FSD1L: variants seen among roughly 807,000 people sequenced by gnomAD.
The protein encoded by FSD1L is fibronectin type III and SPRY domain containing 1 like, also known as FSD1-like protein.
Under a neutral mutation model 71.6 loss-of-function variants are expected in FSD1L, and 45 were observed. The observed-to-expected ratio is 0.63, with a 90% CI of 0.49 to 0.81. FSD1L has a LOEUF of 0.81. FSD1L is among the 30% of genes least tolerant of loss of function. The probability of loss-of-function intolerance (pLI) is 0.00; values close to 1 mark genes in which losing one functional copy is unlikely to be tolerated. For synonymous variants in FSD1L, 197 were observed against 207.2 expected (o/e 0.95, Z 0.42); for missense variants, 561 against 618.1 (o/e 0.91, Z 0.98).
chr9:105,529,465 C>A (rs760331501), intron 10 of FSD1L, among the ~76,000 whole-genome samples: 4 of 152,120 alleles, frequency 2.6e-5, no homozygotes, highest in Admixed American at 6.5e-5. Flanking sequence ...GAGTTCATGT[C>A]CTTTGCAGGG....
chr9:105,495,036 G>C (rs1833259878), intron 7 of FSD1L, among the ~76,000 whole-genome samples: 2 of 152,108 alleles, frequency 1.3e-5, no homozygotes, highest in Admixed American at 6.5e-5. Context: ...CTTCAAAGCT[G>C]TCAGGGACAT....
At chr9:105,521,031 A>T in intron 10 of FSD1L, 1 of 1,612,420 alleles carries the variant, frequency 6.2e-7, no homozygotes, top group Non-Finnish European at 8.5e-7. Flanking sequence ...CTGTAAGGAA[A>T]ACAGTTTATA....
chr9:105,452,628 C>CGCCT (rs530990124), intron 1 of FSD1L, among the ~76,000 whole-genome samples: 6,799 of 124,006 alleles, frequency 0.055, 511 homozygotes, highest in East Asian at 0.26. Context: ...GGCGCTCGCT[C>CGCCT]GCCTGCCTGC....
intron 7 of FSD1L, among the ~76,000 whole-genome samples, chr9:105,502,174 C>T (rs1021591544): frequency 2.0e-5 from 3 of 152,050 alleles, no homozygotes; most frequent in African/African-American, 7.2e-5. Flanking sequence ...TCTAGCTGTG[C>T]AATCTTGAGC....
In FSD1L at chr9:105,545,320, T is replaced by C. The variant is rs7047078; in HGVS notation, c.1468-1038T>C. ...GTTGCTTATCAGCTTAAGGAGATTT[T>C]GGGCTGAGACAATGGGGTTTTCTAG... On this transcript the variant is annotated intron_variant, in intron 13 of 13. Transcript: ENST00000481272. Among the ~76,000 whole-genome samples, 396 of 135,408 alleles carry C rather than the reference T, an allele frequency of 2.9e-3. 15 individuals carry two copies. Among genetic ancestry groups the C allele is most frequent in the Middle Eastern group, 7.6e-3 (2 of 262 alleles). 88.8% of individuals were successfully genotyped at this position (135,408 alleles called of 152,430 possible). A position where few individuals can be genotyped will look rare whatever the true frequency, so the allele number is the denominator to read the frequency against.
At chr9:105,479,932 G>A (rs1175356432) in intron 6 of FSD1L, among the ~76,000 whole-genome samples, 2 of 152,108 alleles carry the variant, frequency 1.3e-5, no homozygotes, top group Non-Finnish European at 2.9e-5. Context: ...AATTATTAAA[G>A]GTTTTGGTTT....
At chr9:105,498,889 A>G (rs978527531) in intron 7 of FSD1L, among the ~76,000 whole-genome samples, 3 of 152,166 alleles carry the variant, frequency 2.0e-5, no homozygotes, top group Admixed American at 2.0e-4. Flanking sequence ...AAGTGCAAAG[A>G]TTACAGGCAT....
At position 105,485,514 on chromosome 9, in the gene FSD1L, A is replaced by AACAACC. The variant is rs1169993489; in HGVS notation, c.586+1013_586+1018dup. Among the ~76,000 whole-genome samples the AACAACC allele has an allele frequency of 5.3e-5, 8 of 149,692 alleles. No individual in the cohort carries two copies. The East Asian group carries it at 1.6e-3, about 29-fold the overall frequency. ...TGGGGACAAGTCAGGAATATGACTT[A>AACAACC]ACAACCTTTTGGTTAGGTGTTTTTT... On this transcript the variant is annotated intron_variant, in intron 7 of 13. Coordinates refer to ENST00000481272, the MANE Select transcript of FSD1L (RefSeq NM_001145313.3).
intron 10 of FSD1L, chr9:105,522,762 G>T: frequency 6.2e-7 from 1 of 1,608,920 alleles, no homozygotes; most frequent in Non-Finnish European, 8.5e-7. Flanking sequence ...TAATGTTCCT[G>T]ATCTGATGGA....
chr9:105,516,905 T>C (rs1834761455), intron 10 of FSD1L, among the ~76,000 whole-genome samples: 1 of 152,144 alleles, frequency 6.6e-6, no homozygotes, highest in African/African-American at 2.4e-5. Context: ...TCTAACCTAA[T>C]GCAAGGAAGC....
intron 6 of FSD1L, among the ~76,000 whole-genome samples, 188 bp downstream of exon 6, chr9:105,479,564 G>C (rs1051613034): frequency 5.3e-5 from 8 of 152,128 alleles, no homozygotes; most frequent in African/African-American, 1.9e-4. Flanking sequence ...TAAAAGCATA[G>C]TTGTGGATAA....
At chr9:105,442,457 T>C in the FSD1L span, among the ~76,000 whole-genome samples, 12 of 151,962 alleles carry the variant, frequency 7.9e-5, no homozygotes, top group Admixed American at 1.3e-4. Context: ...GGTGGGCAGA[T>C]TGCTTGAGCT....
At chr9:105,489,813 C>T (rs1255956530) in intron 7 of FSD1L, among the ~76,000 whole-genome samples, 7 of 152,106 alleles carry the variant, frequency 4.6e-5, no homozygotes, top group East Asian at 1.9e-4. Flanking sequence ...GTTTCATCCA[C>T]GTCCCTACAA....
chr9:105,550,981 G>T lies in FSD1L; in HGVS notation c.*4498G>T, dbSNP rs1206573959. ...GAGCAGAAGGCACGTGAATGTGTTT[G>T]CTTTGGCTTGGAGCTTATTAAGTTT... On this transcript the variant is annotated 3_prime_UTR_variant, in exon 14 of 14. Coordinates refer to ENST00000481272, the MANE Select transcript of FSD1L (RefSeq NM_001145313.3). 2 of 152,060 alleles carry T rather than the reference G, an allele frequency of 1.3e-5. No individual in the cohort carries two copies. The highest frequency in any genetic ancestry group is 2.9e-5 in the Non-Finnish European group (2 of 67,958). 9.4% of individuals were successfully genotyped at this position (152,060 alleles called of 1,614,324 possible). A position where few individuals can be genotyped will look rare whatever the true frequency, so the allele number is the denominator to read the frequency against.
intron 1 of FSD1L, among the ~76,000 whole-genome samples, chr9:105,458,565 A>G (rs183402606): frequency 6.6e-6 from 1 of 152,250 alleles, no homozygotes; most frequent in Non-Finnish European, 1.5e-5. Flanking sequence ...TATGGGCTCA[A>G]AGTGGGGAAG....
intron 2 of FSD1L, among the ~76,000 whole-genome samples, chr9:105,462,988 A>G (rs574593072): frequency 2.0e-5 from 3 of 151,290 alleles, no homozygotes; most frequent in East Asian, 4.0e-4. Flanking sequence ...AAATGCAAAA[A>G]TTAGCTGGGC....
chr9:105,450,072 C>T (rs1829895325), intron 1 of FSD1L, among the ~76,000 whole-genome samples: 1 of 152,116 alleles, frequency 6.6e-6, no homozygotes, highest in African/African-American at 2.4e-5. Context: ...AAAGAATGTC[C>T]GGGATTAATG....
chr9:105,476,301 T>C (rs906906369), intron 5 of FSD1L, among the ~76,000 whole-genome samples: 1 of 152,168 alleles, frequency 6.6e-6, no homozygotes, highest in Non-Finnish European at 1.5e-5. Flanking sequence ...TCTTCCCTCA[T>C]TGCCTCCCTC....
intron 7 of FSD1L, among the ~76,000 whole-genome samples, chr9:105,504,541 TTTG>T (rs1454406176): frequency 6.6e-6 from 1 of 152,186 alleles, no homozygotes; most frequent in African/African-American, 2.4e-5. Flanking sequence ...ATGTAATTCT[TTTG>T]TTGTTGTGGT....
Sources: gnomAD v4.1 joint callset for allele counts (sites outside exome capture counted in the v4.1 genomes callset) on GRCh38, gnomAD v4.1.1 for gene constraint, MANE v1.5 for transcripts, NCBI Gene and HGNC (gene_info 2026-07-23, HGNC 2026-07-21) for gene names.